Variants in ADCY7 observed in about 807,000 individuals in gnomAD.
ADCY7 encodes adenylate cyclase type 7.
Under a neutral mutation model 120.6 loss-of-function variants are expected in ADCY7, and 72 were observed. That is an observed-to-expected ratio of 0.60 (90% confidence interval 0.49 to 0.73). The LOEUF (loss-of-function observed/expected upper bound fraction) is 0.73. ADCY7 is among the 30% of genes least tolerant of loss of function. The pLI is 0.00. For synonymous variants in ADCY7, 661 were observed against 628.0 expected, an observed-to-expected ratio of 1.05 and a Z score of -0.78; for missense variants, 1,227 against 1,486.0, an observed-to-expected ratio of 0.83 and a Z score of 2.87.
At chr16:50,301,381 G>T (rs574183024) in intron 10 of ADCY7, among the ~76,000 whole-genome samples, 167 bp downstream of exon 10, 2 of 152,270 alleles carry the variant, frequency 1.3e-5, no homozygotes, top group South Asian at 2.1e-4. Context: ...TCTAGGCACC[G>T]AGTAGCCACT....
chr16:50,251,714 C>T (rs1370946939), intron 1 of ADCY7, among the ~76,000 whole-genome samples: 2 of 152,204 alleles, frequency 1.3e-5, no homozygotes, highest in East Asian at 1.9e-4. Context: ...ACCCAGAGCT[C>T]GGGCCTCCAG....
At chr16:50,311,450 A>C (rs1314179408) in intron 19 of ADCY7, among the ~76,000 whole-genome samples, 1 of 152,072 alleles carries the variant, frequency 6.6e-6, no homozygotes, top group Non-Finnish European at 1.5e-5. Flanking sequence ...TCAGGCCCTC[A>C]TCACAGCTGA....
At position 50,287,991 on chromosome 16, in the gene ADCY7, C is replaced by T. The variant is rs2034687951; in HGVS notation, c.-189C>T. On this transcript the variant is annotated 5_prime_UTR_variant, in exon 2 of 26. Coordinates refer to ENST00000673801, the MANE Select transcript of ADCY7 (RefSeq NM_001114.5). ...GCGGCACAGTGAGTGAGGCCTGGTGCCAGAGCTGTGCGGACCCCTTGTTGG... is the reference window on the plus strand; with the variant it reads ...GCGGCACAGTGAGTGAGGCCTGGTGTCAGAGCTGTGCGGACCCCTTGTTGG... The T allele has an allele frequency of 1.6e-5, 9 of 573,540 alleles. No individual in the cohort carries two copies. Among genetic ancestry groups the T allele is most frequent in the Admixed American group, 1.1e-4 (3 of 26,616 alleles). 35.5% of individuals were successfully genotyped at this position (573,540 alleles called of 1,614,324 possible).
intron 20 of ADCY7, 121 bp from the exon 21 acceptor site, chr16:50,311,915 A>G (rs1352344586): frequency 6.7e-7 from 1 of 1,492,808 alleles, no homozygotes; most frequent in Non-Finnish European, 9.2e-7. Flanking sequence ...CCAGGAAAGC[A>G]CTGGTCCCCT....
intron 1 of ADCY7, among the ~76,000 whole-genome samples, chr16:50,259,918 G>A (rs2150797807): frequency 6.6e-6 from 1 of 152,302 alleles, no homozygotes; most frequent in Admixed American, 6.5e-5. Context: ...AGAGATGTGG[G>A]CAGAGGCCTG....
chr16:50,266,502 C>CGCT (rs1447293849), upstream of ADCY7: 1 of 164,020 alleles, frequency 6.1e-6, no homozygotes, highest in Non-Finnish European at 1.3e-5. Context: ...CCGCCGCCGC[C>CGCT]GCTGCTGCCG....
chr16:50,311,436 C>A (rs1400005836), intron 19 of ADCY7, among the ~76,000 whole-genome samples: 2 of 152,200 alleles, frequency 1.3e-5, no homozygotes, highest in Admixed American at 6.5e-5. Flanking sequence ...GTTCTGGGCT[C>A]CCTTCAGGCC....
chr16:50,294,618 T>TC, intron 6 of ADCY7, 22 bp from the exon 7 acceptor site: 3 of 809,306 alleles, frequency 3.7e-6, no homozygotes, highest in East Asian at 2.4e-5. Context: ...TGACACTCCC[T>TC]CCCACCCTGC....
chr16:50,271,073 G>A lies in ADCY7; in HGVS notation c.-269+4393G>A, dbSNP rs144432714. ...ACCCTGAGTGCAGACCTGCTTGGCC[G>A]AAGCACCCTCCGTTCCCTGCTCTCC... On this transcript the variant is annotated intron_variant, in intron 1 of 25. Transcript: ENST00000673801. Among the ~76,000 whole-genome samples, 9 of 152,324 alleles carry A rather than the reference G, an allele frequency of 5.9e-5. No individual in the cohort carries two copies. The East Asian group carries it at 1.4e-3, about 23-fold the overall frequency.
chr16:50,296,348 CT>C (rs1184845722), intron 7 of ADCY7, among the ~76,000 whole-genome samples: 4 of 149,384 alleles, frequency 2.7e-5, no homozygotes, highest in Non-Finnish European at 5.9e-5. Flanking sequence ...CCATCATGCC[CT>C]GCCCCATCAG....
intron 1 of ADCY7, among the ~76,000 whole-genome samples, chr16:50,284,095 G>A (rs1037090955): frequency 1.1e-4 from 17 of 152,174 alleles, no homozygotes; most frequent in African/African-American, 3.6e-4. Context: ...AAAACTTCCC[G>A]GGCAGGGGGT....
intron 14 of ADCY7, among the ~76,000 whole-genome samples, chr16:50,306,642 G>A (rs2036085056): frequency 6.6e-6 from 1 of 152,190 alleles, no homozygotes; most frequent in Non-Finnish European, 1.5e-5. Context: ...AGCCCCGGAA[G>A]CTCAGACTTG....
chr16:50,288,892 G>C (rs1050641622), intron 2 of ADCY7, among the ~76,000 whole-genome samples: 2 of 152,030 alleles, frequency 1.3e-5, no homozygotes, highest in Admixed American at 1.3e-4. Context: ...TGAACTCCTG[G>C]GTTCAAGTAA....
upstream of ADCY7, among the ~76,000 whole-genome samples, chr16:50,265,179 CA>C (rs2150810019): frequency 1.3e-5 from 2 of 152,286 alleles, no homozygotes; most frequent in East Asian, 3.9e-4. Context: ...TTTTGTCAGT[CA>C]TATAGGATGT....
At chr16:50,256,823 G>A (rs2032931035) in intron 1 of ADCY7, among the ~76,000 whole-genome samples, 1 of 152,076 alleles carries the variant, frequency 6.6e-6, no homozygotes, top group African/African-American at 2.4e-5. Flanking sequence ...CCGCTTGTGG[G>A]TACATATCCA....
upstream of ADCY7, among the ~76,000 whole-genome samples, chr16:50,266,067 G>A (rs570295326): frequency 3.9e-5 from 6 of 152,318 alleles, no homozygotes; most frequent in African/African-American, 1.4e-4. Flanking sequence ...GAGATGGAGA[G>A]GCAGTGGGCT....
Position 50,315,502 on chromosome 16 carries a change from C to CTGAG in ADCY7, c.3241_*1dup. Reference sequence around the variant, plus strand: ...CCAAGTTTCAGGGGCTGGGGCTGAACTGAGGGCTCCTGCTGGATTCCGAAA... The same window carrying CTGAG: ...CCAAGTTTCAGGGGCTGGGGCTGAACTGAGTGAGGGCTCCTGCTGGATTCCGAAA... On this transcript the variant is annotated frameshift_variant and stop_retained_variant, in exon 26 of 26. Transcript: ENST00000673801. LOFTEE classifies it high-confidence loss of function. 1.2e-6 allele frequency: 2 copies of CTGAG among 1,606,968 alleles called. No homozygotes were observed. The highest frequency in any genetic ancestry group is 1.7e-6 in the Non-Finnish European group (2 of 1,173,974).
rs1217507834 is a variant in ADCY7 at position 50,309,556 on chromosome 16, GCCTTT to G, written c.2073_2077del (p.Phe692SerfsTer9). 14 of 1,613,868 alleles carry G rather than the reference GCCTTT, an allele frequency of 8.7e-6. No homozygotes were observed. Among genetic ancestry groups the G allele is most frequent in the Admixed American group, 1.7e-5 (1 of 59,998 alleles). On this transcript the variant is annotated frameshift_variant, in exon 18 of 26. Coordinates refer to ENST00000673801, the MANE Select transcript of ADCY7 (RefSeq NM_001114.5). LOFTEE classifies it high-confidence loss of function. ...ACCTGTCTCCTCTACAGCCCCTGAT[GCCTTT>G]CCAAGTTCCAGAGCTGCCTGTTGGC...
intron 10 of ADCY7, chr16:50,301,540 G>T: frequency 3.5e-6 from 1 of 282,468 alleles, no homozygotes; most frequent in Non-Finnish European, 6.7e-6. Flanking sequence ...CCATGAGGTG[G>T]TTATTAATCT....
Sources: allele counts gnomAD v4.1 joint callset (sites outside exome capture counted in the v4.1 genomes callset), GRCh38; gene constraint gnomAD v4.1.1; transcripts MANE v1.5; gene names NCBI Gene and HGNC (gene_info 2026-07-23, HGNC 2026-07-21).